The following ASPM variants were observed in gnomAD, a reference collection of about 807,000 sequenced individuals.
ASPM encodes the protein abnormal spindle-like microcephaly-associated protein.
Under a neutral mutation model 366.4 loss-of-function variants are expected in ASPM, and 256 were observed. The observed-to-expected ratio is 0.70, with a 90% CI of 0.63 to 0.77. ASPM has a LOEUF of 0.77. Ranked by LOEUF, ASPM falls within the 30% of genes least tolerant of loss-of-function variation. The probability of loss-of-function intolerance (pLI) is 0.00; values close to 1 mark genes in which losing one functional copy is unlikely to be tolerated. For missense variants in ASPM, 4,146 were observed against 4,090.4 expected (o/e 1.01, Z -0.37); for synonymous variants, 1,414 against 1,342.9 (o/e 1.05, Z -1.16).
Position 197,142,438 on chromosome 1 carries a change from G to T in ASPM, c.1814C>A (p.Ser605Tyr). 6.2e-7 allele frequency: 1 copy of T among 1,613,948 alleles called. No homozygotes were observed. The highest frequency in any genetic ancestry group is 1.1e-5 in the South Asian group (1 of 91,078). Residue 605 changes from serine to tyrosine, a missense_variant, in exon 3 of 28, where the codon TCT becomes TAT. Coordinates refer to ENST00000367409, the MANE Select transcript of ASPM (RefSeq NM_018136.5). ...EVREIKRIHFSPSEPKTSAVK... is the reference protein window; with the variant it reads ...EVREIKRIHFYPSEPKTSAVK... Reference sequence around the variant, plus strand: ...AGCTGATGTTTTAGGCTCTGAGGGAGAAAAATGGATTCTTTTGATTTCTCG... The same window carrying T: ...AGCTGATGTTTTAGGCTCTGAGGGATAAAAATGGATTCTTTTGATTTCTCG...
chr1:197,094,018 A>G, intron 20 of ASPM, 66 bp downstream of exon 20: 1 of 1,105,944 alleles, frequency 9.0e-7, no homozygotes, highest in South Asian at 1.5e-5. Context: ...TAAAAAATAC[A>G]AAACATTCTT....
chr1:197,132,400 G>C (rs749740631), intron 6 of ASPM, 48 bp from the exon 7 acceptor site: 1 of 1,522,754 alleles, frequency 6.6e-7, no homozygotes, highest in Non-Finnish European at 9.1e-7. Flanking sequence ...TAATCAAATA[G>C]AGACAAGAAA....
rs369730803 is a variant in ASPM, at chr1:197,146,285, G to A, written c.153C>T (p.Cys51=). Residue 51 remains cysteine, a synonymous_variant, in exon 1 of 28, where the codon TGC becomes TGT. Transcript: ENST00000367409. ...LSHFCRSPFL[C]FGDVLLGASR... is the part of the protein sequence containing the mutation. ...AGGCTCCCAGGAGAACGTCCCCGAA[G>A]CAAAGGAAAGGAGACCTGCAGAAGT... 23 of 1,613,978 alleles carry A rather than the reference G, an allele frequency of 1.4e-5. No homozygotes were observed. The African/African-American group carries it at 2.3e-4, about 16-fold the overall frequency.
At chr1:197,117,692 A>G in intron 17 of ASPM, 97 bp downstream of exon 17, 1 of 1,112,000 alleles carries the variant, frequency 9.0e-7, no homozygotes, top group Non-Finnish European at 1.3e-6. Flanking sequence ...AAAGAATCCT[A>G]AAATATAATC....
intron 4 of ASPM, among the ~76,000 whole-genome samples, chr1:197,136,369 T>G: frequency 6.6e-6 from 1 of 152,196 alleles, no homozygotes; most frequent in Non-Finnish European, 1.5e-5. Flanking sequence ...AGTATTATTG[T>G]AATTTTGGTT....
At chr1:197,122,109 T>G (rs759621149) in intron 15 of ASPM, 50 bp downstream of exon 15, 2 of 1,598,912 alleles carry the variant, frequency 1.3e-6, no homozygotes, top group East Asian at 4.5e-5. Context: ...ACTATCATCT[T>G]CTGAGACTTT....
chr1:197,139,738 CAG>C (rs752386929), intron 4 of ASPM, 27 bp downstream of exon 4: 6 of 1,480,378 alleles, frequency 4.1e-6, no homozygotes, highest in Admixed American at 1.7e-5. Flanking sequence ...GTCATGTTTT[CAG>C]AGAGTTTAAG....
intron 17 of ASPM, among the ~76,000 whole-genome samples, chr1:197,113,186 G>A (rs1657638267): frequency 6.6e-6 from 1 of 152,044 alleles, no homozygotes; most frequent in Non-Finnish European, 1.5e-5. Context: ...ACACAAAGAT[G>A]GGAACAATAG....
At chr1:197,123,383 C>G (rs554687924) in intron 13 of ASPM, among the ~76,000 whole-genome samples, 6 of 152,084 alleles carry the variant, frequency 3.9e-5, no homozygotes, top group Non-Finnish European at 8.8e-5. Flanking sequence ...TAAATGACCA[C>G]AAAATACTGC....
At chr1:197,127,926 G>T (rs1658136733) in intron 10 of ASPM, among the ~76,000 whole-genome samples, 1 of 152,120 alleles carries the variant, frequency 6.6e-6, no homozygotes, top group Non-Finnish European at 1.5e-5. Context: ...AGAACTTTGG[G>T]AGGCCGAGGC....
At chr1:197,108,088 T>C (rs1657466203) in intron 17 of ASPM, among the ~76,000 whole-genome samples, 1 of 152,030 alleles carries the variant, frequency 6.6e-6, no homozygotes, top group Non-Finnish European at 1.5e-5. Flanking sequence ...CATAATGGAA[T>C]TGAAGAAAAA....
chr1:197,091,117 A>G, intron 22 of ASPM, 76 bp from the exon 23 acceptor site: 2 of 1,173,010 alleles, frequency 1.7e-6, no homozygotes, highest in Non-Finnish European at 2.4e-6. Context: ...ATACATTTAT[A>G]CATAAATGAA....
chr1:197,136,989 TA>T (rs34447971), intron 4 of ASPM, among the ~76,000 whole-genome samples: 1 of 152,100 alleles, frequency 6.6e-6, no homozygotes, highest in Non-Finnish European at 1.5e-5. Context: ...TTCTGTGCCC[TA>T]AAAAAACCCT....
At position 197,100,773 on chromosome 1, in the gene ASPM, A is replaced by G; in HGVS notation, c.8478T>C (p.Cys2826=). 1.2e-6 allele frequency: 2 copies of G among 1,612,510 alleles called. No homozygotes were observed. Among genetic ancestry groups the G allele is most frequent in the South Asian group, 1.1e-5 (1 of 91,066 alleles). Residue 2826 remains cysteine, a synonymous_variant, in exon 18 of 28, where the codon TGT becomes TGC. Transcript: ENST00000367409. ...RAAVTIQKAF[C]RMVTRKLETQ... ...TTTCCAGTTTTCTTGTGACCATTCT[A>G]CAAAAAGCTTTTTGAATTGTTACTG... is the stretch of plus-strand genomic sequence containing the variant.
In ASPM at chr1:197,144,091, T is replaced by G; in HGVS notation, c.307A>C (p.Lys103Gln). ...GTCCAGTTAACAGAAATAACAATTT[T>G]CTCTTTAGGCTATAATCAAAACAAT... ...QRCFVLQPKE[K>Q]IVISVNWTPL... is the part of the protein sequence containing the mutation. Residue 103 changes from lysine (K) to glutamine (Q), a missense_variant, in exon 2 of 28, where the codon AAA (lysine) becomes CAA (glutamine). Coordinates refer to ENST00000367409, the MANE Select transcript of ASPM (RefSeq NM_018136.5). The G allele has an allele frequency of 6.2e-7, 1 of 1,602,546 alleles. No homozygotes were observed.
At chr1:197,094,741 A>C (rs1240435983) in intron 19 of ASPM, among the ~76,000 whole-genome samples, 1 of 151,784 alleles carries the variant, frequency 6.6e-6, no homozygotes, top group Non-Finnish European at 1.5e-5. Context: ...GATCAACATA[A>C]TACTAAGAGA....
chr1:197,101,143 C>G lies in ASPM; in HGVS notation c.8108G>C (p.Arg2703Thr). Residue 2703 changes from arginine (R) to threonine (T), a missense_variant, in exon 18 of 28, where the codon AGG (arginine) becomes ACG (threonine). Physicochemically the swap from Arg to Thr is moderately conservative, Grantham distance 71 (BLOSUM62 -1). Transcript: ENST00000367409. ...CTTTGTTTCATAATCAACTTTGGCC[C>G]TGTGCATTCGATAGAATGACTGAAT... ...TLIQSFYRMH[R>T]AKVDYETKKT... 1.2e-6 allele frequency: 2 copies of G among 1,612,328 alleles called. No homozygotes were observed. The highest frequency in any genetic ancestry group is 8.5e-7 in the Non-Finnish European group (1 of 1,179,064).
chr1:197,104,019 G>A lies in ASPM; in HGVS notation c.5232C>T (p.Val1744=). Residue 1744 remains valine (V), a synonymous_variant, in exon 18 of 28, where the codon GTC becomes GTT. Transcript: ENST00000367409. The stretch of plus-strand genomic sequence containing the variant: ...TTCTTTGTAACCTCATCTGCTTTCG[G>A]ACAAGGTATCCTCTAACAAATGCTT... ...KLQAFVRGYL[V]RKQMRLQRKA... The A allele has an allele frequency of 6.2e-7, 1 of 1,612,568 alleles. No homozygotes were observed. Among genetic ancestry groups the A allele is most frequent in the Non-Finnish European group, 8.5e-7 (1 of 1,179,412 alleles).
In ASPM at chr1:197,100,952, C is replaced by G. The variant is rs1174511500; in HGVS notation, c.8299G>C (p.Ala2767Pro). 3.7e-6 allele frequency: 6 copies of G among 1,612,500 alleles called. No individual in the cohort carries two copies. In the African/African-American group the frequency reaches 6.7e-5, roughly 18 times the overall value. The change falls in exon 18 of 28, where the codon GCA becomes CCA. Residue 2767 changes from alanine to proline, a missense_variant. By Grantham distance (27) the Ala-to-Pro change is conservative. Transcript: ENST00000367409. ...KLKNVSEEKM[A>P]AIVNQSALCC... ...AGTGCAGATTGGTTAACAATGGCTGCCATCTTTTCCTCTGATACATTTTTC... is the reference window on the plus strand; with the variant it reads ...AGTGCAGATTGGTTAACAATGGCTGGCATCTTTTCCTCTGATACATTTTTC...
Sources: gnomAD v4.1 joint callset for allele counts (sites outside exome capture counted in the v4.1 genomes callset) on GRCh38, gnomAD v4.1.1 for gene constraint, MANE v1.5 for transcripts, NCBI Gene and HGNC (gene_info 2026-07-23, HGNC 2026-07-21) for gene names.